Variants in KCNJ6 observed in about 807,000 individuals in gnomAD.
KCNJ6 encodes G protein-activated inward rectifier potassium channel 2.
A neutral mutation model predicts 34.2 loss-of-function variants in KCNJ6; 9 were observed. That is an observed-to-expected ratio of 0.26 (90% CI 0.16 to 0.46). The LOEUF (loss-of-function observed/expected upper bound fraction) is 0.46, where lower values mean the gene tolerates loss of function less well. Ranked by LOEUF, KCNJ6 falls within the 20% of genes least tolerant of loss-of-function variation. The pLI is 1.00. For synonymous variants in KCNJ6, 196 were observed against 207.1 expected (o/e 0.95, Z 0.46); for missense variants, 236 against 531.3 (o/e 0.44, Z 5.46).
At chr21:37,796,795 T>C (rs1197305237) in intron 2 of KCNJ6, among the ~76,000 whole-genome samples, 1 of 134,968 alleles carries the variant, frequency 7.4e-6, no homozygotes, top group East Asian at 2.1e-4. Context: ...TTTTTTTTTT[T>C]TTTTTTTTTG....
At chr21:37,742,700 T>C (rs986245308) in intron 2 of KCNJ6, among the ~76,000 whole-genome samples, 1 of 152,222 alleles carries the variant, frequency 6.6e-6, no homozygotes, top group Non-Finnish European at 1.5e-5. Context: ...TCTAGATCAC[T>C]GTTCCAGTCT....
intron 1 of KCNJ6, among the ~76,000 whole-genome samples, chr21:37,912,573 C>T (rs146721217): frequency 6.0e-4 from 91 of 152,296 alleles, no homozygotes; most frequent in African/African-American, 2.0e-3. Flanking sequence ...TGGAACAAGG[C>T]CAAGGAACAG....
At chr21:37,883,629 GCTCC>G (rs765350773) in intron 1 of KCNJ6, among the ~76,000 whole-genome samples, 2 of 152,152 alleles carry the variant, frequency 1.3e-5, no homozygotes, top group Non-Finnish European at 2.9e-5. Context: ...AAGTTTCCCT[GCTCC>G]CAAAGTCCCG....
rs536094267 is a variant in KCNJ6, at chr21:37,630,271, G to C, written c.947-4787C>G. Among the ~76,000 whole-genome samples the C allele has an allele frequency of 2.0e-4, 31 of 152,238 alleles. No homozygotes were observed. The South Asian group carries it at 6.4e-3, about 32-fold the overall frequency. On this transcript the variant is annotated intron_variant, in intron 3 of 3. Coordinates refer to ENST00000609713, the MANE Select transcript of KCNJ6 (RefSeq NM_002240.5). The stretch of plus-strand genomic sequence containing the variant: ...TGCTTCATTTGGTGAAGAGCAAAAC[G>C]TGGAAAACCTGATCTTGATCTCCTT...
intron 2 of KCNJ6, among the ~76,000 whole-genome samples, chr21:37,772,106 T>C (rs975647539): frequency 6.6e-6 from 1 of 152,218 alleles, no homozygotes; most frequent in African/African-American, 2.4e-5. Flanking sequence ...ACTTCACCCA[T>C]AGTGACTCAT....
chr21:37,797,210 C>G (rs932868725), intron 2 of KCNJ6, among the ~76,000 whole-genome samples: 3 of 152,044 alleles, frequency 2.0e-5, no homozygotes, highest in African/African-American at 4.8e-5. Flanking sequence ...GCCACCATGC[C>G]TGTCTAGTTT....
rs765731668 is a variant in KCNJ6, at chr21:37,744,641, GA to G, written c.26-29511del. Among the ~76,000 whole-genome samples, 336 of 152,300 alleles carry G rather than the reference GA, an allele frequency of 2.2e-3. 3 individuals carry two copies. The highest frequency in any genetic ancestry group is 1.1e-3 in the Non-Finnish European group (75 of 68,024). On this transcript the variant is annotated intron_variant, in intron 2 of 3. Coordinates refer to ENST00000609713, the MANE Select transcript of KCNJ6 (RefSeq NM_002240.5). ...TAAGTAGTTGCTGAACTAAGGATCA[GA>G]GAGCAATAACTGAAGCTTGGCAGGC... is the stretch of plus-strand genomic sequence containing the variant.
chr21:37,655,179 TTG>T (rs369378573), intron 3 of KCNJ6, among the ~76,000 whole-genome samples: 35 of 24,004 alleles, frequency 1.5e-3, no homozygotes, highest in Non-Finnish European at 2.2e-3. Flanking sequence ...CTCTAGACAT[TTG>T]TGTGTGTGTG....
rs1265710619 is a variant in KCNJ6, at chr21:37,614,731, T to C, written c.*10428A>G. On this transcript the variant is annotated 3_prime_UTR_variant, in exon 4 of 4. Coordinates refer to ENST00000609713, the MANE Select transcript of KCNJ6 (RefSeq NM_002240.5). Reference sequence around the variant, plus strand: ...ATGCATGTGCATGTATGCGTGTGTGTGTATGCGCATGTCTCTGTATGTGTG... The same window carrying C: ...ATGCATGTGCATGTATGCGTGTGTGCGTATGCGCATGTCTCTGTATGTGTG... 1 of 148,392 alleles carries C rather than the reference T, an allele frequency of 6.7e-6. No homozygotes were observed. The highest frequency in any genetic ancestry group is 1.9e-4 in the East Asian group (1 of 5,136). The allele number at this position is 148,392 out of a possible 1,614,324, so 9.2% of individuals were successfully genotyped here.
intron 3 of KCNJ6, 76 bp from the exon 4 acceptor site, chr21:37,625,560 G>A (rs958663621): frequency 9.5e-7 from 1 of 1,053,658 alleles, no homozygotes. Context: ...AGAGAGCCAG[G>A]AGGAGTACTG....
chr21:37,701,526 G>A (rs575704888), intron 3 of KCNJ6, among the ~76,000 whole-genome samples: 2 of 152,290 alleles, frequency 1.3e-5, no homozygotes, highest in East Asian at 3.9e-4. Context: ...CTGTACCTAT[G>A]TATCCAGGGC....
intron 3 of KCNJ6, among the ~76,000 whole-genome samples, chr21:37,687,688 CTCTGG>C (rs2054621779): frequency 6.6e-6 from 1 of 152,178 alleles, no homozygotes; most frequent in Non-Finnish European, 1.5e-5. Flanking sequence ...CTTTGGTCTC[CTCTGG>C]TCTGGGAGAC....
At chr21:37,762,204 C>T (rs761813270) in intron 2 of KCNJ6, among the ~76,000 whole-genome samples, 12 of 152,154 alleles carry the variant, frequency 7.9e-5, no homozygotes, top group Non-Finnish European at 1.3e-4. Context: ...CCCATCTGAA[C>T]CCACTCCTCT....
intron 2 of KCNJ6, among the ~76,000 whole-genome samples, chr21:37,745,374 T>G (rs906979390): frequency 2.0e-5 from 3 of 152,148 alleles, no homozygotes; most frequent in Non-Finnish European, 4.4e-5. Flanking sequence ...CCTCCTCCCT[T>G]GGCCTCCCCA....
chr21:37,756,771 C>A (rs2055029217), intron 2 of KCNJ6, among the ~76,000 whole-genome samples: 1 of 141,526 alleles, frequency 7.1e-6, no homozygotes, highest in Non-Finnish European at 1.5e-5. Context: ...ATGGTTCCAG[C>A]CCAAGTGAGC....
chr21:37,641,130 G>GT (rs1350368033), intron 3 of KCNJ6, among the ~76,000 whole-genome samples: 6 of 152,144 alleles, frequency 3.9e-5, no homozygotes, highest in African/African-American at 1.4e-4. Flanking sequence ...TCACCAAATT[G>GT]TAACTGTCAA....
intron 2 of KCNJ6, among the ~76,000 whole-genome samples, chr21:37,771,657 C>T (rs1441227615): frequency 1.3e-5 from 2 of 152,146 alleles, no homozygotes; most frequent in African/African-American, 2.4e-5. Flanking sequence ...ACTGCTAGAT[C>T]CAAGGAGATG....
intron 2 of KCNJ6, among the ~76,000 whole-genome samples, chr21:37,734,714 G>T (rs1037364213): frequency 4.6e-5 from 7 of 152,054 alleles, no homozygotes; most frequent in South Asian, 2.1e-4. Flanking sequence ...TGGGAAGGAG[G>T]GGGTGACATG....
chr21:37,732,280 G>C lies in KCNJ6; in HGVS notation c.26-17149C>G, dbSNP rs533847140. 3.2e-4 allele frequency among the ~76,000 whole-genome samples: 48 copies of C among 152,300 alleles called. 2 individuals carry two copies. The highest frequency in any genetic ancestry group is 2.5e-3 in the Admixed American group (38 of 15,298). ...CAGGGTGTGTGGGGCTGGCCAGACTGGTCACCCCTGCTCAGAATGTGACAG... is the reference window on the plus strand; with the variant it reads ...CAGGGTGTGTGGGGCTGGCCAGACTCGTCACCCCTGCTCAGAATGTGACAG... On this transcript the variant is annotated intron_variant, in intron 2 of 3. Transcript: ENST00000609713.
Sources: allele counts gnomAD v4.1 joint callset (sites outside exome capture counted in the v4.1 genomes callset), GRCh38; gene constraint gnomAD v4.1.1; transcripts MANE v1.5; gene names NCBI Gene and HGNC (gene_info 2026-07-23, HGNC 2026-07-21).